Variants in CFTR observed in about 807,000 individuals in gnomAD.
CFTR encodes the protein cystic fibrosis transmembrane conductance regulator.
A neutral mutation model predicts 171.6 loss-of-function variants in CFTR; 181 were observed. That is an observed-to-expected ratio of 1.05 (90% CI 0.93 to 1.19). The LOEUF (loss-of-function observed/expected upper bound fraction) is 1.19. Among genes scored for constraint, CFTR ranks in the 50% most tolerant of loss-of-function variants. CFTR has a pLI of 0.00. For missense variants in CFTR, 1,968 were observed against 1,734.7 expected (o/e 1.13, Z -2.39); for synonymous variants, 583 against 608.0 (o/e 0.96, Z 0.60).
chr7:117,602,472 C>G (rs1232898737), intron 15 of CFTR, among the ~76,000 whole-genome samples: 2 of 152,302 alleles, frequency 1.3e-5, no homozygotes, highest in East Asian at 3.9e-4. Flanking sequence ...TATCTGCCAG[C>G]AGTCTGAGAT....
chr7:117,666,293 C>T (rs1374540973), intron 26 of CFTR, among the ~76,000 whole-genome samples: 2 of 152,184 alleles, frequency 1.3e-5, no homozygotes, highest in African/African-American at 2.4e-5. Flanking sequence ...TGATGTATCA[C>T]GTCATTTCTG....
intron 22 of CFTR, among the ~76,000 whole-genome samples, chr7:117,633,881 C>T (rs940021149): frequency 1.3e-5 from 2 of 151,926 alleles, no homozygotes; most frequent in African/African-American, 4.8e-5. Flanking sequence ...TATTTGTATA[C>T]ATGTTGAGTT....
chr7:117,511,248 C>T (rs914476789), intron 3 of CFTR, among the ~76,000 whole-genome samples: 2 of 152,078 alleles, frequency 1.3e-5, no homozygotes, highest in Non-Finnish European at 2.9e-5. Context: ...GATCTTCTCA[C>T]TTACTTATAC....
At chr7:117,498,647 A>G (rs1292185358) in intron 1 of CFTR, among the ~76,000 whole-genome samples, 2 of 152,304 alleles carry the variant, frequency 1.3e-5, no homozygotes, top group East Asian at 3.9e-4. Context: ...TTAGAAAAAT[A>G]TCCTTATAGA....
chr7:117,542,374 C>T (rs1486031230), intron 9 of CFTR, among the ~76,000 whole-genome samples: 3 of 151,932 alleles, frequency 2.0e-5, no homozygotes, highest in Non-Finnish European at 2.9e-5. Flanking sequence ...TGGTAAAACC[C>T]GGTCTCTACT....
At chr7:117,520,772 C>T (rs774648101) in intron 3 of CFTR, among the ~76,000 whole-genome samples, 1 of 151,792 alleles carries the variant, frequency 6.6e-6, no homozygotes, top group Non-Finnish European at 1.5e-5. Context: ...TCATTTTATT[C>T]ATTGATTCAA....
chr7:117,526,326 C>T (rs1798779204), intron 3 of CFTR, among the ~76,000 whole-genome samples: 1 of 130,162 alleles, frequency 7.7e-6, no homozygotes, highest in African/African-American at 3.0e-5. Flanking sequence ...AGAACAAAGA[C>T]ACCACATACC....
Position 117,594,970 on chromosome 7 carries a change from C to T in CFTR, c.2531C>T (p.Thr844Ile), listed in dbSNP as rs1792097477. The change falls in exon 15 of 27, where the codon ACT becomes ATT. Residue 844 changes from threonine (T) to isoleucine (I), a missense_variant. Coordinates refer to ENST00000003084, the MANE Select transcript of CFTR (RefSeq NM_000492.4). ...GATATGGAGAGCATACCAGCAGTGA[C>T]TACATGGAACACATACCTTCGATAT... The part of the protein sequence containing the change: ...FDDMESIPAV[T>I]TWNTYLRYIT... The T allele has an allele frequency of 1.9e-6, 3 of 1,612,706 alleles. No homozygotes were observed. In the East Asian group the frequency reaches 6.7e-5, roughly 36 times the overall value.
intron 24 of CFTR, among the ~76,000 whole-genome samples, chr7:117,661,391 A>G (rs1446492717): frequency 2.6e-5 from 4 of 152,242 alleles, no homozygotes; most frequent in Admixed American, 2.6e-4. Context: ...CTTCTAATAA[A>G]GAATTTCATC....
At chr7:117,481,885 T>C (rs1798005428) in intron 1 of CFTR, among the ~76,000 whole-genome samples, 1 of 152,238 alleles carries the variant, frequency 6.6e-6, no homozygotes, top group Admixed American at 6.5e-5. Flanking sequence ...CTACATCTAC[T>C]GTTTAGTAGC....
intron 23 of CFTR, among the ~76,000 whole-genome samples, chr7:117,651,467 C>A (rs950044535): frequency 2.2e-4 from 33 of 152,154 alleles, no homozygotes; most frequent in African/African-American, 7.2e-4. Context: ...TTTGTCTACT[C>A]TCTTCAGTTT....
At chr7:117,615,296 A>G (rs1792468193) in intron 21 of CFTR, among the ~76,000 whole-genome samples, 1 of 152,040 alleles carries the variant, frequency 6.6e-6, no homozygotes, top group South Asian at 2.1e-4. Context: ...CATCAGCTCT[A>G]TACATTTCAA....
chr7:117,493,602 A>T (rs1167479553), intron 1 of CFTR, among the ~76,000 whole-genome samples: 1 of 152,042 alleles, frequency 6.6e-6, no homozygotes, highest in Non-Finnish European at 1.5e-5. Flanking sequence ...CTTGAAGAAA[A>T]TGAAAGTAGC....
In CFTR at chr7:117,627,599, C is replaced by G. The variant is rs397508581; in HGVS notation, c.3546C>G (p.Tyr1182Ter). The G allele has an allele frequency of 1.2e-6, 2 of 1,613,376 alleles. No individual in the cohort carries two copies. The highest frequency in any genetic ancestry group is 1.1e-5 in the South Asian group (1 of 91,070). Residue 1182 changes from tyrosine to a stop codon, truncating the protein, a stop_gained, in exon 22 of 27, where the codon TAC becomes TAG. Transcript: ENST00000003084. LOFTEE classifies it high-confidence loss of function. ...EGKPTKSTKP[Y>*]KNGQLSKVMI... Reference sequence around the variant, plus strand: ...AACCTACCAAGTCAACCAAACCATACAAGAATGGCCAACTCTCGAAAGTTA... The same window carrying G: ...AACCTACCAAGTCAACCAAACCATAGAAGAATGGCCAACTCTCGAAAGTTA...
At position 117,590,400 on chromosome 7, in the gene CFTR, G is replaced by T. The variant is rs1800098; in HGVS notation, c.1727G>T (p.Gly576Val). Residue 576 changes from glycine to valine, a missense_variant, in exon 13 of 27, where the codon GGA becomes GTA. By Grantham distance (109) the Gly-to-Val change is moderately radical (BLOSUM62 -3). Transcript: ENST00000003084. ...ADLYLLDSPF[G>V]YLDVLTEKEI... is the part of the protein sequence containing the mutation. ...TTGTATTTATTAGACTCTCCTTTTG[G>T]ATACCTAGATGTTTTAACAGAAAAA... 1 of 1,602,986 alleles carries T rather than the reference G, an allele frequency of 6.2e-7. No homozygotes were observed. The highest frequency in any genetic ancestry group is 8.5e-7 in the Non-Finnish European group (1 of 1,172,194).
intron 24 of CFTR, among the ~76,000 whole-genome samples, chr7:117,657,788 T>C (rs1793207599): frequency 1.3e-5 from 2 of 152,288 alleles, no homozygotes; most frequent in African/African-American, 4.8e-5. Context: ...CAACAGCACC[T>C]CCTACATAAT....
At chr7:117,513,490 T>C (rs1798553176) in intron 3 of CFTR, among the ~76,000 whole-genome samples, 1 of 151,982 alleles carries the variant, frequency 6.6e-6, no homozygotes, top group Non-Finnish European at 1.5e-5. Flanking sequence ...TAACACATTT[T>C]CTACAGATGC....
intron 11 of CFTR, among the ~76,000 whole-genome samples, chr7:117,562,517 T>C (rs1328575588): frequency 6.6e-6 from 1 of 152,186 alleles, no homozygotes; most frequent in Non-Finnish European, 1.5e-5. Flanking sequence ...GCACATTGGC[T>C]CCATGCTCAG....
intron 11 of CFTR, among the ~76,000 whole-genome samples, chr7:117,573,795 TTAAGAC>T (rs1791730111): frequency 6.6e-6 from 1 of 152,170 alleles, no homozygotes; most frequent in South Asian, 2.1e-4. Flanking sequence ...TATATTTGAT[TTAAGAC>T]TAAGGTTTTC....
Sources: gnomAD v4.1 joint callset for allele counts (sites outside exome capture counted in the v4.1 genomes callset) on GRCh38, gnomAD v4.1.1 for gene constraint, MANE v1.5 for transcripts, NCBI Gene and HGNC (gene_info 2026-07-23, HGNC 2026-07-21) for gene names.